SHOC1: variants seen among roughly 807,000 people sequenced by gnomAD.
SHOC1 encodes the protein shortage in chiasmata 1.
A neutral mutation model predicts 179.2 loss-of-function variants in SHOC1; 136 were observed. That is an observed-to-expected ratio of 0.76 (90% confidence interval 0.66 to 0.87). The LOEUF (loss-of-function observed/expected upper bound fraction) is 0.87, where lower values mean the gene tolerates loss of function less well. Ranked by LOEUF, SHOC1 falls within the 40% of genes least tolerant of loss-of-function variation. The pLI is 0.00. For missense variants in SHOC1, 1,538 were observed against 1,700.8 expected (o/e 0.90, Z 1.68); for synonymous variants, 489 against 586.6 (o/e 0.83, Z 2.41).
At chr9:111,687,860 G>A (rs1831248660) in intron 27 of SHOC1, among the ~76,000 whole-genome samples, 1 of 151,654 alleles carries the variant, frequency 6.6e-6, no homozygotes, top group Admixed American at 6.6e-5. Context: ...CCCTTTAGGG[G>A]GATATCATTT....
At chr9:111,725,972 G>A (rs1374856309) in intron 13 of SHOC1, among the ~76,000 whole-genome samples, 1 of 151,956 alleles carries the variant, frequency 6.6e-6, no homozygotes, top group Non-Finnish European at 1.5e-5. Context: ...TGTTAATTTT[G>A]GGGTGGATTC....
chr9:111,768,757 T>C (rs754683343), intron 5 of SHOC1, among the ~76,000 whole-genome samples: 4 of 152,240 alleles, frequency 2.6e-5, no homozygotes, highest in African/African-American at 4.8e-5. Context: ...TTTATTTCTT[T>C]CTCTTGCTCA....
At chr9:111,758,009 T>G in intron 7 of SHOC1, 75 bp downstream of exon 7, 1 of 686,950 alleles carries the variant, frequency 1.5e-6, no homozygotes. Context: ...TTGTAGACAA[T>G]GTATATTACA....
At position 111,723,796 on chromosome 9, in the gene SHOC1, C is replaced by T. The variant is rs748493293; in HGVS notation, c.1950G>A (p.Ala650=). Residue 650 remains alanine (A), a synonymous_variant, in exon 14 of 28, where the codon GCG becomes GCA. Coordinates refer to ENST00000682961, the MANE Select transcript of SHOC1 (RefSeq NM_001378211.1). ...TTTTAAAAGCATATAACATACCTGA[C>T]GCTTGAATTTCAATGACACTATCTG... ...RGTDSVIEIQ[A]SDSQCQAFCL... 1.7e-5 allele frequency: 27 copies of T among 1,610,656 alleles called. No individual in the cohort carries two copies. Among genetic ancestry groups the T allele is most frequent in the Middle Eastern group, 1.6e-4 (1 of 6,070 alleles).
chr9:111,731,751 A>G (rs1193632906), intron 12 of SHOC1, among the ~76,000 whole-genome samples: 1 of 152,222 alleles, frequency 6.6e-6, no homozygotes, highest in Non-Finnish European at 1.5e-5. Context: ...TATTAAATCT[A>G]TAAAATTATG....
intron 5 of SHOC1, among the ~76,000 whole-genome samples, chr9:111,760,597 C>A (rs1835090862): frequency 6.6e-6 from 1 of 150,922 alleles, no homozygotes; most frequent in Admixed American, 6.6e-5. Context: ...ACTAAGTTAT[C>A]TGATAAAAAT....
At chr9:111,793,875 CAGAGTCTCCCTCTG>C (rs1836532874) in intron 1 of SHOC1, among the ~76,000 whole-genome samples, 1 of 151,860 alleles carries the variant, frequency 6.6e-6, no homozygotes, top group African/African-American at 2.4e-5. Context: ...TTTTTTGAGA[CAGAGTCTCCCTCTG>C]TCCCCAGGCT....
At chr9:111,697,495 T>A (rs1263367806) in intron 24 of SHOC1, among the ~76,000 whole-genome samples, 1 of 152,164 alleles carries the variant, frequency 6.6e-6, no homozygotes, top group Non-Finnish European at 1.5e-5. Context: ...TCCAGCTTCA[T>A]CCATGTCCCT....
rs186408064 is a variant in SHOC1, at chr9:111,727,709, G to A, written c.1758C>T (p.Ser586=). ...KKQENDLDLL[S]DFIMLRNKYK... ...ATTTATTTCGCAGCATAATAAAGTC[G>A]CTCAAAAGGTCCAAATCATTCTCTT... The change falls in exon 13 of 28, where the codon AGC becomes AGT. Residue 586 remains serine (S), a synonymous_variant. Transcript: ENST00000682961. 5.1e-5 allele frequency: 83 copies of A among 1,611,860 alleles called. No homozygotes were observed. In the East Asian group the frequency reaches 6.9e-4, roughly 13 times the overall value.
intron 2 of SHOC1, among the ~76,000 whole-genome samples, chr9:111,789,609 C>T (rs562127373): frequency 5.9e-5 from 9 of 152,284 alleles, no homozygotes; most frequent in South Asian, 2.1e-4. Flanking sequence ...AATATCTTTA[C>T]TTGTTATTTG....
chr9:111,742,057 C>T (rs945022888), intron 10 of SHOC1, among the ~76,000 whole-genome samples: 2 of 152,176 alleles, frequency 1.3e-5, no homozygotes, highest in Admixed American at 1.3e-4. Flanking sequence ...ACAGTACTCA[C>T]TTCCTCCATC....
intron 16 of SHOC1, among the ~76,000 whole-genome samples, chr9:111,716,483 C>T (rs1400834974): frequency 2.1e-5 from 3 of 143,594 alleles, no homozygotes; most frequent in Non-Finnish European, 3.0e-5. Flanking sequence ...CTGTGCCTCG[C>T]GGGTTCAAGT....
intron 10 of SHOC1, among the ~76,000 whole-genome samples, chr9:111,742,588 C>T (rs948885763): frequency 6.6e-6 from 1 of 152,152 alleles, no homozygotes; most frequent in Admixed American, 6.5e-5. Flanking sequence ...ACTATTAATT[C>T]ATAAACCCCT....
Position 111,738,469 on chromosome 9 carries a change from TC to T in SHOC1, c.1227del (p.Ile410TyrfsTer10). On this transcript the variant is annotated frameshift_variant, in exon 12 of 28. Transcript: ENST00000682961. LOFTEE classifies it high-confidence loss of function. ...AGGCTTTCTTCTTTAACAGAAAATA[TC>T]TTTTTCAAATCTGTAACTGAATATT... ...HSQYSVTDLK[K>X]IFSVKEESLV... 1 of 1,603,862 alleles carries T rather than the reference TC, an allele frequency of 6.2e-7. No individual in the cohort carries two copies. The highest frequency in any genetic ancestry group is 1.1e-5 in the South Asian group (1 of 88,484).
intron 2 of SHOC1, among the ~76,000 whole-genome samples, chr9:111,789,939 GCA>G (rs1421398951): frequency 3.3e-5 from 5 of 152,122 alleles, no homozygotes; most frequent in African/African-American, 1.2e-4. Context: ...GTAAAATGTA[GCA>G]CAGTTTTATT....
chr9:111,694,496 T>A (rs868865534), intron 24 of SHOC1, 134 bp from the exon 25 acceptor site: 198 of 605,080 alleles, frequency 3.3e-4, no homozygotes, highest in Middle Eastern at 2.4e-3. Context: ...AAACTATTGG[T>A]TTATCTATGT....
chr9:111,743,355 A>G, intron 10 of SHOC1, among the ~76,000 whole-genome samples: 1 of 152,226 alleles, frequency 6.6e-6, no homozygotes, highest in East Asian at 1.9e-4. Flanking sequence ...AAACTATTAA[A>G]CAGAATATTC....
At chr9:111,707,484 A>C (rs2131362859) in intron 19 of SHOC1, among the ~76,000 whole-genome samples, 1 of 152,254 alleles carries the variant, frequency 6.6e-6, no homozygotes, top group African/African-American at 2.4e-5. Context: ...CCTTACTGAA[A>C]GAATTTCTAA....
At position 111,724,058 on chromosome 9, in the gene SHOC1, T is replaced by C. The variant is rs552425777; in HGVS notation, c.1835-147A>G. Reference sequence around the variant, plus strand: ...GTATTAAAGTGAACAACTATTCAGATCAATGGAACTAACACTGCTAGGTAG... The same window carrying C: ...GTATTAAAGTGAACAACTATTCAGACCAATGGAACTAACACTGCTAGGTAG... On this transcript the variant is annotated intron_variant, in intron 13 of 27. Coordinates refer to ENST00000682961, the MANE Select transcript of SHOC1 (RefSeq NM_001378211.1). 395 of 620,590 alleles carry C rather than the reference T, an allele frequency of 6.4e-4. 5 individuals are homozygous for C. The South Asian group carries it at 8.1e-3, about 13-fold the overall frequency. The allele number at this position is 620,590 out of a possible 1,614,324, so 38.4% of individuals were successfully genotyped here.
Sources: gnomAD v4.1 joint callset for allele counts (sites outside exome capture counted in the v4.1 genomes callset) on GRCh38, gnomAD v4.1.1 for gene constraint, MANE v1.5 for transcripts, NCBI Gene and HGNC (gene_info 2026-07-23, HGNC 2026-07-21) for gene names.